The following FRMPD4 variants were observed in gnomAD, a reference collection of about 807,000 sequenced individuals.
FRMPD4 encodes the protein FERM and PDZ domain containing 4.
In FRMPD4, 22 loss-of-function variants were observed where a neutral mutation model predicts 94.1. The ratio of observed to expected loss-of-function variants is 0.23; its 90% confidence interval spans 0.17 to 0.33. The LOEUF is 0.33. Among genes scored for constraint, FRMPD4 ranks in the 10% least tolerant of loss-of-function variants. FRMPD4 has a pLI of 1.00. For synonymous variants in FRMPD4, 631 were observed against 548.6 expected (o/e 1.15, Z -2.10); for missense variants, 1,111 against 1,339.9 (o/e 0.83, Z 2.67).
intron 1 of FRMPD4, among the ~76,000 whole-genome samples, chrX:12,251,080 T>C (rs775599678): frequency 8.9e-5 from 10 of 112,322 alleles, no homozygotes; most frequent in Non-Finnish European, 1.5e-4. Context: ...TAAATTTGCC[T>C]GACGTTCAGA....
At chrX:12,644,768 T>A (rs2059532491) in intron 4 of FRMPD4, among the ~76,000 whole-genome samples, 1 of 111,966 alleles carries the variant, frequency 8.9e-6, no homozygotes, top group Non-Finnish European at 1.9e-5. Flanking sequence ...ACTAGCCACA[T>A]TTCAAATTCA....
At chrX:12,438,394 A>G (rs1189652161) in intron 1 of FRMPD4, among the ~76,000 whole-genome samples, 1 of 108,518 alleles carries the variant, frequency 9.2e-6, no homozygotes, top group Non-Finnish European at 1.9e-5. Flanking sequence ...AATTTGGGCA[A>G]TACTAGATTC....
At chrX:12,053,455 G>GAGGAA (rs199926229) in intron 3 of FRMPD4, among the ~76,000 whole-genome samples, 5 of 104,026 alleles carry the variant, frequency 4.8e-5, no homozygotes, top group African/African-American at 1.4e-4. Context: ...GAAGAGAAGA[G>GAGGAA]AGGAAAGGAA....
intron 1 of FRMPD4, among the ~76,000 whole-genome samples, chrX:12,196,617 C>T (rs186738675): frequency 0.011 from 1,156 of 105,715 alleles, 17 homozygotes; most frequent in African/African-American, 0.037. Context: ...TTTGTTGTTG[C>T]AAAAAGAAAG....
intron 1 of FRMPD4, among the ~76,000 whole-genome samples, chrX:12,167,278 A>G (rs2056136924): frequency 8.9e-6 from 1 of 111,949 alleles, no homozygotes; most frequent in Admixed American, 9.5e-5. Flanking sequence ...GTTTCAAAGA[A>G]CATCTTTGTT....
intron 3 of FRMPD4, among the ~76,000 whole-genome samples, chrX:12,025,433 A>G (rs2054654648): frequency 9.0e-6 from 1 of 110,851 alleles, no homozygotes; most frequent in Admixed American, 9.6e-5. Context: ...TTTCTGTGTA[A>G]ACCTGTAATA....
At chrX:12,632,300 G>C (rs986161870) in intron 4 of FRMPD4, among the ~76,000 whole-genome samples, 7 of 111,195 alleles carry the variant, frequency 6.3e-5, no homozygotes, top group Non-Finnish European at 9.4e-5. Context: ...CCCCGCAAAA[G>C]GTTTGAAGGG....
At chrX:12,445,311 G>A (rs757177339) in intron 1 of FRMPD4, among the ~76,000 whole-genome samples, 13 of 112,314 alleles carry the variant, frequency 1.2e-4, no homozygotes, top group Non-Finnish European at 2.1e-4. Flanking sequence ...GTGTGCTAAC[G>A]TTTGAGAATG....
Position 12,509,314 on chromosome X carries a change from A to G in FRMPD4, c.158+10518A>G, listed in dbSNP as rs191656532. On this transcript the variant is annotated intron_variant, in intron 2 of 16. Coordinates refer to ENST00000675598, the MANE Select transcript of FRMPD4 (RefSeq NM_001368397.1). ...TTACAGCAGCACAATTCGCAATTCC[A>G]AAAACATGGAACCAACTCAAATGCC... 2.7e-3 allele frequency among the ~76,000 whole-genome samples: 308 copies of G among 112,265 alleles called. 2 individuals carry two copies. The highest frequency in any genetic ancestry group is 9.5e-3 in the African/African-American group (294 of 30,907).
intron 2 of FRMPD4, among the ~76,000 whole-genome samples, chrX:12,576,983 G>T (rs192858912): frequency 9.0e-6 from 1 of 111,629 alleles, no homozygotes; most frequent in African/African-American, 3.3e-5. Context: ...TCAATTTAAG[G>T]CTCTGATTAC....
chrX:12,145,302 T>C (rs183196554), intron 1 of FRMPD4, among the ~76,000 whole-genome samples: 89 of 112,474 alleles, frequency 7.9e-4, no homozygotes, highest in Non-Finnish European at 8.3e-4. Context: ...GCTGTTGTAT[T>C]GATTCAACAT....
At chrX:12,396,057 C>T in intron 1 of FRMPD4, 1 of 126,233 alleles carries the variant, frequency 7.9e-6, no homozygotes, top group Non-Finnish European at 1.6e-5. Context: ...TATGCATCCC[C>T]TTGATGGCCC....
chrX:12,160,630 A>AAT (rs1278116231), intron 1 of FRMPD4, among the ~76,000 whole-genome samples: 13 of 111,622 alleles, frequency 1.2e-4, no homozygotes, highest in Non-Finnish European at 2.3e-4. Flanking sequence ...TTACTCCTTT[A>AAT]ATATATATGA....
At chrX:11,866,063 G>A (rs1478974735) in intron 2 of FRMPD4, among the ~76,000 whole-genome samples, 1 of 111,953 alleles carries the variant, frequency 8.9e-6, no homozygotes, top group Non-Finnish European at 1.9e-5. Flanking sequence ...TGAGCAGAGA[G>A]GGTGGGCTTT....
At chrX:12,670,277 G>C (rs1002550291) in intron 4 of FRMPD4, among the ~76,000 whole-genome samples, 3 of 111,644 alleles carry the variant, frequency 2.7e-5, no homozygotes, top group South Asian at 3.8e-4. Flanking sequence ...TTAGTCAAAG[G>C]GTGTTTGGAC....
intron 2 of FRMPD4, among the ~76,000 whole-genome samples, chrX:12,515,095 ATTC>A (rs2148257360): frequency 9.0e-6 from 1 of 110,727 alleles, no homozygotes; most frequent in East Asian, 2.8e-4. Context: ...TGTTTATCTG[ATTC>A]TTCTGTCTTT....
intron 1 of FRMPD4, among the ~76,000 whole-genome samples, chrX:12,281,017 C>T (rs1162271462): frequency 8.9e-6 from 1 of 112,137 alleles, no homozygotes; most frequent in Non-Finnish European, 1.9e-5. Flanking sequence ...CTTCTCTCTT[C>T]CATTACATGT....
intron 3 of FRMPD4, among the ~76,000 whole-genome samples, chrX:11,998,186 GCAAT>G (rs776186533): frequency 7.2e-5 from 8 of 111,548 alleles, no homozygotes; most frequent in Non-Finnish European, 1.3e-4. Flanking sequence ...CTGCAAGGCC[GCAAT>G]CAATGTTACT....
At chrX:12,609,331 G>A (rs1376382907) in intron 2 of FRMPD4, among the ~76,000 whole-genome samples, 1 of 111,671 alleles carries the variant, frequency 9.0e-6, no homozygotes, top group Admixed American at 9.5e-5. Context: ...TCTACAGCAC[G>A]TTAGCATGTG....
Sources: gnomAD v4.1 joint callset for allele counts (sites outside exome capture counted in the v4.1 genomes callset) on GRCh38, gnomAD v4.1.1 for gene constraint, MANE v1.5 for transcripts, NCBI Gene and HGNC (gene_info 2026-07-23, HGNC 2026-07-21) for gene names.